GALNTL6: variants seen among roughly 807,000 people sequenced by gnomAD.
GALNTL6 encodes the protein polypeptide N-acetylgalactosaminyltransferase like 6.
A neutral mutation model predicts 73.7 loss-of-function variants in GALNTL6; 46 were observed. The observed-to-expected ratio is 0.62, with a 90% CI of 0.49 to 0.80. GALNTL6 has a LOEUF of 0.80. Among genes scored for constraint, GALNTL6 ranks in the 30% least tolerant of loss-of-function variants. The probability of loss-of-function intolerance (pLI) is 0.00; values close to 1 mark genes in which losing one functional copy is unlikely to be tolerated. For synonymous variants in GALNTL6, 259 were observed against 263.7 expected (o/e 0.98, Z 0.17); for missense variants, 604 against 755.0 (o/e 0.80, Z 2.34).
intron 2 of GALNTL6, among the ~76,000 whole-genome samples, chr4:172,073,757 A>G (rs1731623635): frequency 6.6e-6 from 1 of 152,242 alleles, no homozygotes; most frequent in Non-Finnish European, 1.5e-5. Context: ...ATTGCTGAAA[A>G]GCACTACAGT....
intron 2 of GALNTL6, among the ~76,000 whole-genome samples, chr4:171,890,504 C>A (rs998742793): frequency 2.6e-5 from 4 of 151,960 alleles, no homozygotes; most frequent in African/African-American, 9.7e-5. Flanking sequence ...AAGTTATGTC[C>A]TATCTTCTTG....
At chr4:172,477,603 C>T (rs1327228441) in intron 5 of GALNTL6, among the ~76,000 whole-genome samples, 2 of 152,188 alleles carry the variant, frequency 1.3e-5, no homozygotes, top group Admixed American at 6.5e-5. Flanking sequence ...TGCTCACTCT[C>T]CCACCTTAAC....
chr4:172,666,106 C>A (rs990727788), intron 5 of GALNTL6, among the ~76,000 whole-genome samples: 1 of 151,988 alleles, frequency 6.6e-6, no homozygotes, highest in Non-Finnish European at 1.5e-5. Flanking sequence ...ACAAAATTAA[C>A]CATAATTAGA....
intron 8 of GALNTL6, among the ~76,000 whole-genome samples, chr4:172,891,785 G>T (rs1746045692): frequency 6.6e-6 from 1 of 152,100 alleles, no homozygotes; most frequent in African/African-American, 2.4e-5. Flanking sequence ...GGAGTCATAG[G>T]CTTTGTCTCT....
At chr4:172,261,463 G>A (rs1044506171) in intron 3 of GALNTL6, among the ~76,000 whole-genome samples, 1 of 151,112 alleles carries the variant, frequency 6.6e-6, no homozygotes, top group African/African-American at 2.4e-5. Flanking sequence ...CTCCCATTTT[G>A]TTTCTCATTG....
intron 11 of GALNTL6, among the ~76,000 whole-genome samples, chr4:173,010,344 C>T (rs1301759776): frequency 1.3e-5 from 2 of 152,130 alleles, no homozygotes; most frequent in East Asian, 1.9e-4. Flanking sequence ...GACAGGATCT[C>T]GTTCTTCTTT....
chr4:172,069,479 T>TATGTATGACAC (rs1731450554), intron 2 of GALNTL6, among the ~76,000 whole-genome samples: 1 of 33,312 alleles, frequency 3.0e-5, no homozygotes, highest in Non-Finnish European at 1.1e-4. Flanking sequence ...ATATATGTTA[T>TATGTATGACAC]ATATAACACA....
chr4:172,807,856 T>A (rs1437773078), intron 5 of GALNTL6, among the ~76,000 whole-genome samples: 2 of 152,204 alleles, frequency 1.3e-5, no homozygotes, highest in African/African-American at 2.4e-5. Context: ...ACAGTCTCAC[T>A]CTATTGCCCA....
intron 5 of GALNTL6, among the ~76,000 whole-genome samples, chr4:172,523,006 T>C (rs1170686970): frequency 6.6e-6 from 1 of 152,156 alleles, no homozygotes. Context: ...ACTATCCTGA[T>C]GTTTATCGTA....
chr4:172,029,136 T>C (rs1119525), intron 2 of GALNTL6, among the ~76,000 whole-genome samples: 26,649 of 151,902 alleles, frequency 0.18, 2,450 homozygotes, highest in East Asian at 0.28. Context: ...TTTCAATTAT[T>C]GAAAATCTTT....
chr4:172,819,236 A>G (rs962614909), intron 7 of GALNTL6, among the ~76,000 whole-genome samples: 7 of 152,242 alleles, frequency 4.6e-5, no homozygotes, highest in Non-Finnish European at 1.5e-5. Context: ...TACTGATAGT[A>G]CCTTCCATTG....
chr4:172,030,845 A>T (rs1741746128), intron 2 of GALNTL6, among the ~76,000 whole-genome samples: 2 of 151,922 alleles, frequency 1.3e-5, no homozygotes, highest in African/African-American at 4.8e-5. Flanking sequence ...TGTTTTTATA[A>T]TTTTTTATAA....
chr4:172,350,626 C>G (rs963250216), intron 5 of GALNTL6, among the ~76,000 whole-genome samples: 16 of 151,994 alleles, frequency 1.1e-4, no homozygotes, highest in Admixed American at 3.3e-4. Context: ...TTCTTATGAG[C>G]AATCAAATTG....
chr4:172,371,717 TTC>T (rs1302452748), intron 5 of GALNTL6, among the ~76,000 whole-genome samples: 1 of 152,066 alleles, frequency 6.6e-6, no homozygotes, highest in East Asian at 1.9e-4. Context: ...TTCTGTCTCT[TTC>T]TCTCTTTCCT....
At chr4:172,081,648 C>A (rs2110921988) in intron 2 of GALNTL6, among the ~76,000 whole-genome samples, 1 of 152,008 alleles carries the variant, frequency 6.6e-6, no homozygotes, top group East Asian at 1.9e-4. Flanking sequence ...AAAATAATAA[C>A]AAATTTTAAA....
chr4:172,866,453 A>G (rs1744668527), intron 7 of GALNTL6, among the ~76,000 whole-genome samples: 1 of 152,226 alleles, frequency 6.6e-6, no homozygotes, highest in Admixed American at 6.5e-5. Context: ...AGTGGGGATA[A>G]GAACTGTATC....
intron 2 of GALNTL6, among the ~76,000 whole-genome samples, chr4:172,195,496 C>A (rs2110888486): frequency 6.6e-6 from 1 of 152,282 alleles, no homozygotes; most frequent in Non-Finnish European, 1.5e-5. Context: ...TTCTTGGTAC[C>A]ACTTGGCATT....
chr4:171,832,315 C>A (rs1734996512), intron 2 of GALNTL6, among the ~76,000 whole-genome samples: 1 of 150,984 alleles, frequency 6.6e-6, no homozygotes, highest in African/African-American at 2.4e-5. Context: ...TTTTGTATCT[C>A]AAACTTTAAA....
chr4:172,383,040 A>C (rs961755495), intron 5 of GALNTL6, among the ~76,000 whole-genome samples: 1 of 152,172 alleles, frequency 6.6e-6, no homozygotes, highest in East Asian at 1.9e-4. Context: ...GTTCTGTAAT[A>C]AATCTCATTA....
Sources: allele counts gnomAD v4.1 joint callset (sites outside exome capture counted in the v4.1 genomes callset), GRCh38; gene constraint gnomAD v4.1.1; transcripts MANE v1.5; gene names NCBI Gene and HGNC (gene_info 2026-07-23, HGNC 2026-07-21).